The following WIPF1 variants were observed in gnomAD, a reference collection of about 807,000 sequenced individuals.
The protein encoded by WIPF1 is WAS/WASL interacting protein family member 1.
Under a neutral mutation model 35.4 loss-of-function variants are expected in WIPF1, and 13 were observed. That is an observed-to-expected ratio of 0.37 (90% CI 0.24 to 0.58). The LOEUF (loss-of-function observed/expected upper bound fraction) is 0.58. Ranked by LOEUF, WIPF1 falls within the 20% of genes least tolerant of loss-of-function variation. The pLI, the probability that WIPF1 is intolerant of heterozygous loss-of-function variation, is 0.74. For missense variants in WIPF1, 591 were observed against 667.0 expected, an observed-to-expected ratio of 0.89 and a Z score of 1.25; for synonymous variants, 267 against 266.3, an observed-to-expected ratio of 1.00 and a Z score of -0.02.
At chr2:174,681,339 C>T (rs1255535320) in intron 1 of WIPF1, among the ~76,000 whole-genome samples, 4 of 152,074 alleles carry the variant, frequency 2.6e-5, no homozygotes, top group African/African-American at 7.2e-5. Context: ...GGCTGATAGG[C>T]AGGTAGACAC....
At chr2:174,565,167 T>C (rs1201478711) in intron 7 of WIPF1, among the ~76,000 whole-genome samples, 4 of 152,250 alleles carry the variant, frequency 2.6e-5, no homozygotes, top group Middle Eastern at 3.4e-3. Context: ...AGTGCTGGGA[T>C]TACAGGCGTG....
chr2:174,654,029 C>T (rs1231872760), intron 1 of WIPF1, among the ~76,000 whole-genome samples: 1 of 152,208 alleles, frequency 6.6e-6, no homozygotes, highest in East Asian at 1.9e-4. Flanking sequence ...TTTAAAAAGC[C>T]CCCTTTAAAA....
At chr2:174,603,208 T>C (rs1686059322) in intron 1 of WIPF1, among the ~76,000 whole-genome samples, 2 of 152,366 alleles carry the variant, frequency 1.3e-5, no homozygotes, top group South Asian at 4.1e-4. Context: ...GCTGGTGTTG[T>C]TGGTTGAGCC....
intron 1 of WIPF1, among the ~76,000 whole-genome samples, chr2:174,675,485 T>C (rs1393565409): frequency 2.0e-5 from 3 of 151,988 alleles, no homozygotes; most frequent in East Asian, 1.9e-4. Context: ...GCTTCCCAAG[T>C]AGCAAGGACT....
At chr2:174,615,689 G>A (rs1311490443) in intron 1 of WIPF1, among the ~76,000 whole-genome samples, 1 of 152,104 alleles carries the variant, frequency 6.6e-6, no homozygotes, top group Non-Finnish European at 1.5e-5. Context: ...AACTTATCAG[G>A]ACCCAAGAGC....
chr2:174,609,370 T>C (rs1686274273), intron 1 of WIPF1, among the ~76,000 whole-genome samples: 1 of 152,168 alleles, frequency 6.6e-6, no homozygotes, highest in Non-Finnish European at 1.5e-5. Context: ...TGAAATACTT[T>C]GTTTTGTTCA....
At chr2:174,567,262 A>AAG in intron 6 of WIPF1, 79 bp from the exon 7 acceptor site, 1 of 1,255,212 alleles carries the variant, frequency 8.0e-7, no homozygotes, top group Non-Finnish European at 1.2e-6. Flanking sequence ...CACAGAATGA[A>AAG]AGAGAGAGAG....
At chr2:174,581,258 T>C (rs1251463077) in intron 3 of WIPF1, 52 bp downstream of exon 3, 16 of 1,602,566 alleles carry the variant, frequency 1.0e-5, no homozygotes, top group Non-Finnish European at 1.4e-5. Context: ...TAGGGTTGAT[T>C]ATTAGGCCAT....
intron 1 of WIPF1, among the ~76,000 whole-genome samples, chr2:174,641,978 C>T (rs111465840): frequency 3.3e-5 from 5 of 152,286 alleles, no homozygotes; most frequent in African/African-American, 7.2e-5. Flanking sequence ...TCAGTTCTAT[C>T]GGTGCAGAGA....
intron 1 of WIPF1, among the ~76,000 whole-genome samples, chr2:174,672,396 A>G (rs984067497): frequency 6.6e-6 from 1 of 152,252 alleles, no homozygotes; most frequent in African/African-American, 2.4e-5. Flanking sequence ...ACCTCGGTGC[A>G]ATAGAAAGAC....
intron 3 of WIPF1, among the ~76,000 whole-genome samples, chr2:174,579,641 C>T (rs142797830): frequency 3.0e-4 from 46 of 152,338 alleles, no homozygotes; most frequent in African/African-American, 1.0e-3. Flanking sequence ...AGGACTAACA[C>T]TATTTCCATT....
chr2:174,566,506 C>G (rs989310686), intron 7 of WIPF1: 9 of 152,036 alleles, frequency 5.9e-5, no homozygotes, highest in African/African-American at 2.2e-4. Flanking sequence ...ATGTAAACCC[C>G]GCCAAAAAAC....
chr2:174,682,709 C>T (rs2106003225), intron 1 of WIPF1: 1 of 151,890 alleles, frequency 6.6e-6, no homozygotes, highest in African/African-American at 2.4e-5. Context: ...CAGCCCCTCC[C>T]GGCGTCTCCC....
At chr2:174,682,228 G>A (rs1688263876) in intron 1 of WIPF1, among the ~76,000 whole-genome samples, 1 of 152,210 alleles carries the variant, frequency 6.6e-6, no homozygotes, top group South Asian at 2.1e-4. Flanking sequence ...CCGACCTGGG[G>A]CGAGCGGGCC....
intron 1 of WIPF1, among the ~76,000 whole-genome samples, chr2:174,673,009 C>T (rs1351993375): frequency 1.3e-5 from 2 of 152,186 alleles, no homozygotes; most frequent in Non-Finnish European, 2.9e-5. Context: ...AAACCAGGGA[C>T]AGTGTGAAGG....
intron 4 of WIPF1, chr2:174,574,879 G>A: frequency 1.4e-6 from 1 of 717,312 alleles, no homozygotes; most frequent in South Asian, 1.5e-5. Flanking sequence ...CAGGTCACCA[G>A]GCAGATTTCC....
intron 1 of WIPF1, among the ~76,000 whole-genome samples, chr2:174,681,136 T>G (rs1688236455): frequency 6.6e-6 from 1 of 152,260 alleles, no homozygotes; most frequent in Admixed American, 6.5e-5. Flanking sequence ...AGAGTTGATG[T>G]GTTTTCATGG....
At chr2:174,578,390 T>A (rs949852957) in intron 3 of WIPF1, among the ~76,000 whole-genome samples, 2 of 152,208 alleles carry the variant, frequency 1.3e-5, no homozygotes, top group Non-Finnish European at 2.9e-5. Flanking sequence ...GCATTTGAAT[T>A]AGCTGTTTCT....
intron 1 of WIPF1, among the ~76,000 whole-genome samples, chr2:174,663,186 G>A (rs1259919816): frequency 6.6e-6 from 1 of 152,184 alleles, no homozygotes; most frequent in Admixed American, 6.5e-5. Context: ...GAGCAAGGTG[G>A]TGCTCTAGAA....
Sources: gnomAD v4.1 joint callset for allele counts (sites outside exome capture counted in the v4.1 genomes callset) on GRCh38, gnomAD v4.1.1 for gene constraint, MANE v1.5 for transcripts, NCBI Gene and HGNC (gene_info 2026-07-23, HGNC 2026-07-21) for gene names.